The following DNAH1 variants were observed in gnomAD, a reference collection of about 807,000 sequenced individuals.
DNAH1 encodes dynein axonemal heavy chain 1.
In DNAH1, 327 loss-of-function variants were observed where a neutral mutation model predicts 484.3. That is an observed-to-expected ratio of 0.68 (90% CI 0.62 to 0.74). The LOEUF is 0.74. DNAH1 is among the 30% of genes least tolerant of loss of function. DNAH1 has a pLI of 0.00. For missense variants in DNAH1, 5,052 were observed against 5,546.8 expected, an observed-to-expected ratio of 0.91 and a Z score of 2.83; for synonymous variants, 2,192 against 2,191.9, an observed-to-expected ratio of 1.00 and a Z score of 0.00.
chr3:52,346,395 T>C (rs1702141943), intron 10 of DNAH1, 77 bp from the exon 11 acceptor site: 3 of 1,438,162 alleles, frequency 2.1e-6, no homozygotes, highest in Non-Finnish European at 2.8e-6. Context: ...AGCACCCTGG[T>C]GCATAGAGTC....
At position 52,386,760 on chromosome 3, in the gene DNAH1, G is replaced by GCTTTTCT; in HGVS notation, c.8911_8912insTTTTCTC (p.Pro2971LeufsTer9). 1 of 1,587,890 alleles carries GCTTTTCT rather than the reference G, an allele frequency of 6.3e-7. No individual in the cohort carries two copies. The highest frequency in any genetic ancestry group is 1.2e-5 in the South Asian group (1 of 86,734). Reference sequence around the variant, plus strand: ...AGCCCAAGAAGGTGCCTGGAGAAAAGCCAGGCACCAAGGTGGATGACTACT... The same window carrying GCTTTTCT: ...AGCCCAAGAAGGTGCCTGGAGAAAAGCTTTTCTCCAGGCACCAAGGTGGATGACTACT... On this transcript the variant is annotated frameshift_variant, in exon 56 of 78. Transcript: ENST00000420323. LOFTEE classifies it high-confidence loss of function.
At chr3:52,329,858 A>T (rs990809825) in intron 6 of DNAH1, among the ~76,000 whole-genome samples, 1 of 151,996 alleles carries the variant, frequency 6.6e-6, no homozygotes, top group Non-Finnish European at 1.5e-5. Flanking sequence ...AACAAAACAA[A>T]AATAAACAGT....
At chr3:52,365,517 C>G (rs1207500369) in intron 34 of DNAH1, among the ~76,000 whole-genome samples, 1 of 152,178 alleles carries the variant, frequency 6.6e-6, no homozygotes, top group African/African-American at 2.4e-5. Context: ...TGACTTGTTG[C>G]AAAGGCCACC....
At chr3:52,366,648 G>A (rs1166165761) in intron 35 of DNAH1, 85 bp from the exon 36 acceptor site, 1 of 1,556,398 alleles carries the variant, frequency 6.4e-7, no homozygotes, top group South Asian at 1.2e-5. Context: ...CCTTGGCATA[G>A]AATACCCCTC....
In DNAH1 at chr3:52,365,097, G is replaced by A. The variant is rs887655626; in HGVS notation, c.5518+78G>A. ...AGTCCAGGTCAGGGGGACAGAGACA[G>A]GACAGTCCAACCCCAGGGGCCCTCA... On this transcript the variant is annotated intron_variant, in intron 34 of 77. Transcript: ENST00000420323. The A allele has an allele frequency of 7.2e-6, 11 of 1,526,402 alleles. No individual in the cohort carries two copies. In the East Asian group the frequency reaches 2.3e-4, roughly 32 times the overall value. The allele number at this position is 1,526,402 out of a possible 1,614,324, so 94.6% of individuals were successfully genotyped here. A position where few individuals can be genotyped will look rare whatever the true frequency, so the allele number is the denominator to read the frequency against.
At position 52,383,579 on chromosome 3, in the gene DNAH1, TG is replaced by T; in HGVS notation, c.8137del (p.Val2713CysfsTer4). ...GGGCGTGTGCGCAGCAACATCCACA[TG>T]GTGCTGTGCATGAGGTACAGGCAGC... ...YTGRVRSNIH[M>X]VLCMSPIGEV... On this transcript the variant is annotated frameshift_variant, in exon 51 of 78. Coordinates refer to ENST00000420323, the MANE Select transcript of DNAH1 (RefSeq NM_015512.5). LOFTEE classifies it high-confidence loss of function. The T allele has an allele frequency of 6.3e-7, 1 of 1,593,380 alleles. No individual in the cohort carries two copies. The highest frequency in any genetic ancestry group is 8.6e-7 in the Non-Finnish European group (1 of 1,169,454).
Position 52,399,079 on chromosome 3 carries a change from G to C in DNAH1, c.12319G>C (p.Gly4107Arg). Residue 4107 changes from glycine to arginine, a missense_variant, in exon 76 of 78, where the codon GGC becomes CGC. By Grantham distance (125) the Gly-to-Arg change is moderately radical. This residue lies in a region of DNAH1 where 853 missense variants were observed against 899.0 expected (regional missense o/e 0.95). Coordinates refer to ENST00000420323, the MANE Select transcript of DNAH1 (RefSeq NM_015512.5). ...CTTTCTGCAGGCCTGGATCCAAGATGGCATCCCAGCTGTCTTCTGGATCAG... is the reference window on the plus strand; with the variant it reads ...CTTTCTGCAGGCCTGGATCCAAGATCGCATCCCAGCTGTCTTCTGGATCAG... ...LDFLQAWIQD[G>R]IPAVFWISGF... The C allele has an allele frequency of 6.2e-7, 1 of 1,614,052 alleles. No homozygotes were observed.
rs367920803 is a variant in DNAH1, at chr3:52,383,619, C to T, written c.8150+25C>T. 194 of 1,539,084 alleles carry T rather than the reference C, an allele frequency of 1.3e-4. 2 individuals are homozygous for T. Among genetic ancestry groups the T allele is most frequent in the South Asian group, 8.8e-4 (73 of 83,374 alleles). On this transcript the variant is annotated intron_variant, in intron 51 of 77. Coordinates refer to ENST00000420323, the MANE Select transcript of DNAH1 (RefSeq NM_015512.5). ...GGTACAGGCAGCTGTCGCCAGGCTG[C>T]GCTGGGGCAGCGGAGCTGGGTGTGT...
rs1702332022 is a variant in DNAH1, at chr3:52,350,536, A to G, written c.2675A>G (p.Tyr892Cys). The G allele has an allele frequency of 6.2e-7, 1 of 1,613,950 alleles. No homozygotes were observed. Among genetic ancestry groups the G allele is most frequent in the East Asian group, 2.2e-5 (1 of 44,884 alleles). The change falls in exon 16 of 78, where the codon TAC becomes TGC. Residue 892 changes from tyrosine to cysteine, a missense_variant. Coordinates refer to ENST00000420323, the MANE Select transcript of DNAH1 (RefSeq NM_015512.5). ...EERIVKVMDD[Y>C]QVMDEFLYNL... ...CGGATTGTGAAGGTCATGGATGACTACCAGGTCATGGATGAATTCCTCTAC... is the reference window on the plus strand; with the variant it reads ...CGGATTGTGAAGGTCATGGATGACTGCCAGGTCATGGATGAATTCCTCTAC...
intron 50 of DNAH1, 79 bp downstream of exon 50, chr3:52,382,534 C>T: frequency 1.3e-6 from 2 of 1,573,094 alleles, no homozygotes; most frequent in East Asian, 4.5e-5. Context: ...CGGAAGGTGG[C>T]CAGTCCTTCA....
In DNAH1 at chr3:52,393,403, G is replaced by A. The variant is rs376742990; in HGVS notation, c.10544G>A (p.Arg3515His). 4 of 1,613,860 alleles carry A rather than the reference G, an allele frequency of 2.5e-6. No homozygotes were observed. The highest frequency in any genetic ancestry group is 4.5e-5 in the East Asian group (2 of 44,896). Residue 3515 changes from arginine to histidine, a missense_variant, in exon 66 of 78, where the codon CGC becomes CAC. Physicochemically the swap from Arg to His is conservative, Grantham distance 29 (BLOSUM62 0). Transcript: ENST00000420323. ...LTYSLYSNVC[R>H]SLFEKHKLMF... is the part of the protein sequence containing the mutation. ...TACAGCCTCTACAGCAACGTCTGCCGCAGCCTCTTTGAGAAGCACAAGCTG... is the reference window on the plus strand; with the variant it reads ...TACAGCCTCTACAGCAACGTCTGCCACAGCCTCTTTGAGAAGCACAAGCTG...
intron 76 of DNAH1, 90 bp from the exon 77 acceptor site, chr3:52,399,455 A>T: frequency 8.4e-7 from 1 of 1,184,574 alleles, no homozygotes; most frequent in Non-Finnish European, 1.2e-6. Context: ...AGGCAGCATT[A>T]GGCAGCTCTC....
chr3:52,373,559 C>T, intron 44 of DNAH1: 1 of 1,481,104 alleles, frequency 6.8e-7, no homozygotes, highest in Non-Finnish European at 9.4e-7. Context: ...AAGTACCCGT[C>T]TCTCAGCCCA....
In DNAH1 at chr3:52,354,718, T is replaced by C; in HGVS notation, c.3481-125T>C. 5 of 826,442 alleles carry C rather than the reference T, an allele frequency of 6.1e-6. No individual in the cohort carries two copies. In the South Asian group the frequency reaches 8.3e-5, roughly 14 times the overall value. 51.2% of individuals were successfully genotyped at this position (826,442 alleles called of 1,614,324 possible). A position where few individuals can be genotyped will look rare whatever the true frequency, so the allele number is the denominator to read the frequency against. ...CTTGTTGCCAGACAAGCCGAGAGTA[T>C]TTGCCAGAGCGGCCATGTGGAGGTC... is the stretch of plus-strand genomic sequence containing the variant. On this transcript the variant is annotated intron_variant, in intron 20 of 77. Transcript: ENST00000420323.
chr3:52,349,339 G>C lies in DNAH1; in HGVS notation c.2445G>C (p.Gln815His). ...PFYINTDNVK[Q>H]SLSKKRKALA... ...ACATCAACACCGACAATGTCAAGCA[G>C]AGCCTGTCCAAGAAACGCAAGGCCC... Residue 815 changes from glutamine to histidine, a missense_variant, in exon 14 of 78, where the codon CAG (glutamine) becomes CAC (histidine). Transcript: ENST00000420323. 1 of 1,614,036 alleles carries C rather than the reference G, an allele frequency of 6.2e-7. No individual in the cohort carries two copies. Among genetic ancestry groups the C allele is most frequent in the Non-Finnish European group, 8.5e-7 (1 of 1,179,906 alleles).
intron 53 of DNAH1, 116 bp from the exon 54 acceptor site, chr3:52,385,221 G>A: frequency 8.8e-7 from 1 of 1,137,978 alleles, no homozygotes; most frequent in Non-Finnish European, 1.3e-6. Flanking sequence ...GGCAATGTGG[G>A]GGCCACCGAA....
intron 26 of DNAH1, 37 bp from the exon 27 acceptor site, chr3:52,359,879 G>A: frequency 6.2e-7 from 1 of 1,610,058 alleles, no homozygotes; most frequent in Non-Finnish European, 8.5e-7. Context: ...CCTCCTCGTG[G>A]TACCCTGATG....
chr3:52,366,368 AG>A lies in DNAH1; in HGVS notation c.5519-88del, dbSNP rs903842010. ...GAGGAAATTGAGGCTCAGGGAGTGC[AG>A]TGACTCACCCAAGGTCACACAAGTT... On this transcript the variant is annotated intron_variant, in intron 34 of 77. Transcript: ENST00000420323. 4.9e-6 allele frequency: 5 copies of A among 1,020,382 alleles called. No homozygotes were observed. The African/African-American group carries it at 8.0e-5, about 16-fold the overall frequency. The allele number at this position is 1,020,382 out of a possible 1,614,324, so 63.2% of individuals were successfully genotyped here. A position where few individuals can be genotyped will look rare whatever the true frequency, so the allele number is the denominator to read the frequency against.
rs1702747850 is a variant in DNAH1, at chr3:52,359,228, C to T, written c.4267-18C>T. On this transcript the variant is annotated intron_variant, in intron 25 of 77. Coordinates refer to ENST00000420323, the MANE Select transcript of DNAH1 (RefSeq NM_015512.5). ...GGCTGCGGCTGTCCAGGTCAGCCTG[C>T]CCATGCTGTCTTCCCAGATGCCCAG... 2 of 1,559,832 alleles carry T rather than the reference C, an allele frequency of 1.3e-6. No individual in the cohort carries two copies. The highest frequency in any genetic ancestry group is 1.2e-5 in the South Asian group (1 of 84,576).
Sources: allele counts gnomAD v4.1 joint callset (sites outside exome capture counted in the v4.1 genomes callset), GRCh38; gene constraint gnomAD v4.1.1; regional missense constraint gnomAD v4.1.1; transcripts MANE v1.5; gene names NCBI Gene and HGNC (gene_info 2026-07-23, HGNC 2026-07-21).